PRKCE: variants seen among roughly 807,000 people sequenced by gnomAD.
PRKCE encodes protein kinase C epsilon type.
Under a neutral mutation model 85.4 loss-of-function variants are expected in PRKCE, and 16 were observed. The ratio of observed to expected loss-of-function variants is 0.19; its 90% CI spans 0.13 to 0.28. The LOEUF is 0.28. PRKCE is among the 10% of genes least tolerant of loss of function. PRKCE has a pLI of 1.00. For synonymous variants in PRKCE, 388 were observed against 371.5 expected (o/e 1.04, Z -0.51); for missense variants, 573 against 975.2 (o/e 0.59, Z 5.49).
rs369342387 is a variant in PRKCE, at chr2:45,927,398, C to A, written c.413-49031C>A. Among the ~76,000 whole-genome samples, 7 of 152,346 alleles carry A rather than the reference C, an allele frequency of 4.6e-5. No homozygotes were observed. The East Asian group carries it at 1.2e-3, about 25-fold the overall frequency. ...TATCATCTAATTTAATCATTGCAAT[C>A]TTCCTATGAAGCAGGTATTATCTCC... On this transcript the variant is annotated intron_variant, in intron 2 of 14. Coordinates refer to ENST00000306156, the MANE Select transcript of PRKCE (RefSeq NM_005400.3).
At chr2:46,010,087 T>G (rs1012557696) in intron 9 of PRKCE, among the ~76,000 whole-genome samples, 2 of 152,260 alleles carry the variant, frequency 1.3e-5, no homozygotes, top group African/African-American at 4.8e-5. Flanking sequence ...ATAGGAAGTT[T>G]TCTTAAACAT....
At chr2:45,892,398 CT>C (rs954838091) in intron 2 of PRKCE, among the ~76,000 whole-genome samples, 12 of 151,368 alleles carry the variant, frequency 7.9e-5, no homozygotes, top group Middle Eastern at 3.4e-3. Flanking sequence ...TTGATACTTT[CT>C]TTTTTTTTCA....
In PRKCE at chr2:46,007,481, C is replaced by T. The variant is rs1281038415; in HGVS notation, c.1083C>T (p.Asn361=). The T allele has an allele frequency of 6.3e-7, 1 of 1,599,650 alleles. No individual in the cohort carries two copies. The highest frequency in any genetic ancestry group is 8.5e-7 in the Non-Finnish European group (1 of 1,179,974). ...PCDQEIKELE[N]NIRKALSFDN... ...CCCTAGAAATAAAAGAACTTGAGAA[C>T]AACATTCGGAAAGCCTTGTCATTTG... is the stretch of plus-strand genomic sequence containing the variant. Residue 361 remains asparagine, a synonymous_variant, in exon 9 of 15, where the codon AAC becomes AAT. Coordinates refer to ENST00000306156, the MANE Select transcript of PRKCE (RefSeq NM_005400.3).
At chr2:45,677,443 G>A (rs1181402120) in intron 1 of PRKCE, among the ~76,000 whole-genome samples, 3 of 147,154 alleles carry the variant, frequency 2.0e-5, no homozygotes, top group Non-Finnish European at 4.5e-5. Context: ...TGCAAGCTCC[G>A]CTTCCCGGGT....
At chr2:45,688,421 A>T (rs546282343) in intron 1 of PRKCE, among the ~76,000 whole-genome samples, 17 of 152,342 alleles carry the variant, frequency 1.1e-4, no homozygotes, top group African/African-American at 4.1e-4. Context: ...ATTATTTTAA[A>T]GATACTGTGT....
At chr2:46,007,764 C>CGTTAGGTT in intron 9 of PRKCE, 103 bp downstream of exon 9, 1 of 1,291,308 alleles carries the variant, frequency 7.7e-7, no homozygotes, top group South Asian at 1.5e-5. Context: ...AGCCTGATCT[C>CGTTAGGTT]GTTAGGTTTT....
chr2:46,019,230 C>T (rs887449469), intron 10 of PRKCE, among the ~76,000 whole-genome samples: 9 of 152,192 alleles, frequency 5.9e-5, no homozygotes, highest in Non-Finnish European at 1.2e-4. Context: ...GGAGTTTGTA[C>T]TTTCTCCCCA....
chr2:46,077,222 T>A (rs2103802636), intron 10 of PRKCE, among the ~76,000 whole-genome samples: 1 of 151,434 alleles, frequency 6.6e-6, no homozygotes, highest in Admixed American at 6.6e-5. Flanking sequence ...ATAATAATAA[T>A]AAAAAGAATG....
chr2:45,922,410 C>A (rs1479707420), intron 2 of PRKCE, among the ~76,000 whole-genome samples: 2 of 152,168 alleles, frequency 1.3e-5, no homozygotes, highest in Non-Finnish European at 2.9e-5. Flanking sequence ...CCTCAGGGGG[C>A]AAAACATCTA....
intron 2 of PRKCE, among the ~76,000 whole-genome samples, chr2:45,871,094 C>G (rs1339337808): frequency 1.3e-5 from 2 of 152,170 alleles, no homozygotes; most frequent in Admixed American, 1.3e-4. Context: ...TTCTAAAGTT[C>G]CAGGGTGTCC....
At chr2:45,653,393 T>TTTTTTC (rs1675231134) in intron 1 of PRKCE, among the ~76,000 whole-genome samples, 2 of 140,348 alleles carry the variant, frequency 1.4e-5, no homozygotes, top group Non-Finnish European at 3.1e-5. Flanking sequence ...TTTTTTTTTT[T>TTTTTTC]TTCTCTCTTC....
rs1163360226 is a variant in PRKCE, at chr2:45,927,206, G to T, written c.413-49223G>T. ...GTATAGTCCATGTGTGAGTGTGCAT[G>T]GGGGGGGTGTTGTCAGAGAAGAGGG... On this transcript the variant is annotated intron_variant, in intron 2 of 14. Transcript: ENST00000306156. Among the ~76,000 whole-genome samples, 7 of 151,584 alleles carry T rather than the reference G, an allele frequency of 4.6e-5. No homozygotes were observed. In the East Asian group the frequency reaches 1.2e-3, roughly 25 times the overall value.
chr2:45,704,012 T>C (rs775436682), intron 1 of PRKCE, among the ~76,000 whole-genome samples: 20 of 152,240 alleles, frequency 1.3e-4, no homozygotes. Context: ...CACTGTTATT[T>C]CACCCATTCA....
chr2:45,734,057 G>A (rs1256594142), intron 1 of PRKCE, among the ~76,000 whole-genome samples: 1 of 152,182 alleles, frequency 6.6e-6, no homozygotes, highest in Non-Finnish European at 1.5e-5. Flanking sequence ...ATTATGAAGT[G>A]CAGTCCAGTG....
At chr2:45,757,127 T>G (rs1041101631) in intron 1 of PRKCE, among the ~76,000 whole-genome samples, 2 of 151,496 alleles carry the variant, frequency 1.3e-5, no homozygotes, top group African/African-American at 2.4e-5. Context: ...TAGAGACAGG[T>G]GAGACACCTG....
intron 2 of PRKCE, among the ~76,000 whole-genome samples, chr2:45,948,845 A>C (rs1423730735): frequency 6.6e-6 from 1 of 152,236 alleles, no homozygotes. Context: ...ATTTTACTTT[A>C]TATAAATGGT....
chr2:45,716,765 T>C (rs1680162456), intron 1 of PRKCE, among the ~76,000 whole-genome samples: 1 of 150,290 alleles, frequency 6.7e-6, no homozygotes, highest in Non-Finnish European at 1.5e-5. Flanking sequence ...ACTGCAGAAT[T>C]TATAAAGAAT....
At chr2:46,062,516 T>C (rs55975151) in intron 10 of PRKCE, among the ~76,000 whole-genome samples, 59,979 of 151,766 alleles carry the variant, frequency 0.4, 12,484 homozygotes, top group African/African-American at 0.52. Flanking sequence ...TGAAGACTAA[T>C]AGGTAAATAG....
intron 1 of PRKCE, among the ~76,000 whole-genome samples, chr2:45,658,137 A>G (rs973235863): frequency 6.6e-6 from 1 of 152,174 alleles, no homozygotes; most frequent in Non-Finnish European, 1.5e-5. Flanking sequence ...AAGGGCTGGC[A>G]ATTGTCCATA....
Sources: allele counts gnomAD v4.1 joint callset (sites outside exome capture counted in the v4.1 genomes callset), GRCh38; gene constraint gnomAD v4.1.1; transcripts MANE v1.5; gene names NCBI Gene and HGNC (gene_info 2026-07-23, HGNC 2026-07-21).